MALSU1: variants seen among roughly 807,000 people sequenced by gnomAD.
The protein encoded by MALSU1 is mitochondrial assembly of ribosomal large subunit protein 1.
A neutral mutation model predicts 22.1 loss-of-function variants in MALSU1; 22 were observed. That is an observed-to-expected ratio of 1.00 (90% CI 0.71 to 1.42). The LOEUF (loss-of-function observed/expected upper bound fraction) is 1.42. Among genes scored for constraint, MALSU1 ranks in the 40% most tolerant of loss-of-function variants. MALSU1 has a pLI of 0.00. For missense variants in MALSU1, 379 were observed against 308.3 expected, an observed-to-expected ratio of 1.23 and a Z score of -1.72; for synonymous variants, 153 against 118.5, an observed-to-expected ratio of 1.29 and a Z score of -1.89.
chr7:23,302,523 C>T (rs566471211), intron 2 of MALSU1, among the ~76,000 whole-genome samples: 6 of 152,200 alleles, frequency 3.9e-5, no homozygotes, highest in South Asian at 2.1e-4. Context: ...AGGGAGAGAA[C>T]TAGGAAAGCA....
intron 1 of MALSU1, among the ~76,000 whole-genome samples, chr7:23,299,826 C>A (rs990972192): frequency 6.6e-6 from 1 of 152,134 alleles, no homozygotes; most frequent in Non-Finnish European, 1.5e-5. Context: ...AGAATCCCAG[C>A]CTCCCGGACG....
chr7:23,301,501 C>T (rs910822362), intron 2 of MALSU1, among the ~76,000 whole-genome samples: 3 of 152,126 alleles, frequency 2.0e-5, no homozygotes, highest in Non-Finnish European at 2.9e-5. Context: ...TCAGGGGATC[C>T]GCCTGCCTCA....
Position 23,300,970 on chromosome 7 carries a change from ACTTCTACCCGACACTTACATGCCATGGC to A in MALSU1, c.396_423del (p.Arg133LeufsTer2), listed in dbSNP as rs1783636388. 1 of 1,613,884 alleles carries A rather than the reference ACTTCTACCCGACACTTACATGCCATGGC, an allele frequency of 6.2e-7. No homozygotes were observed. The highest frequency in any genetic ancestry group is 8.5e-7 in the Non-Finnish European group (1 of 1,179,982). On this transcript the variant is annotated frameshift_variant, in exon 2 of 4. Transcript: ENST00000466681. LOFTEE classifies it high-confidence loss of function. ...AGATTACTTTGTGATTGTTAGTGGA[ACTTCTACCCGACACTTACATGCCATGGC>A]CTTCTACGTTGTGAAAATGGTAGGA...
Position 23,303,833 on chromosome 7 carries a change from G to A in MALSU1, c.435+2816G>A, listed in dbSNP as rs143220253. On this transcript the variant is annotated intron_variant, in intron 2 of 3. Coordinates refer to ENST00000466681, the MANE Select transcript of MALSU1 (RefSeq NM_138446.2). ...CAAAAGAAAAAAAAAAAAAAAAAAG[G>A]CTGGGTTCACACTTGTAATCCCAGC... Among the ~76,000 whole-genome samples, 761 of 146,118 alleles carry A rather than the reference G, an allele frequency of 5.2e-3. 12 individuals carry two copies. The highest frequency in any genetic ancestry group is 0.018 in the African/African-American group (723 of 39,756).
intron 2 of MALSU1, 82 bp from the exon 3 acceptor site, chr7:23,307,783 CAAA>C (rs370508754): frequency 3.6e-6 from 3 of 828,644 alleles, no homozygotes; most frequent in Admixed American, 4.7e-5. Flanking sequence ...AAAAAACAAA[CAAA>C]CAAACAAAAA....
intron 2 of MALSU1, among the ~76,000 whole-genome samples, chr7:23,301,868 C>G (rs1783653541): frequency 6.6e-6 from 1 of 151,538 alleles, no homozygotes; most frequent in South Asian, 2.1e-4. Context: ...ACTCGGGAGG[C>G]TGAGGCAGGA....
In MALSU1 at chr7:23,299,341, A is replaced by C; in HGVS notation, c.-12A>C. 1 of 1,548,164 alleles carries C rather than the reference A, an allele frequency of 6.5e-7. No homozygotes were observed. The highest frequency in any genetic ancestry group is 1.4e-5 in the African/African-American group (1 of 73,288). The stretch of plus-strand genomic sequence containing the variant: ...TACCACCCACCCGCGACGCCGACGC[A>C]AGGCTGCTGCTATGGGGCCGGGCGG... On this transcript the variant is annotated 5_prime_UTR_variant, in exon 1 of 4. Transcript: ENST00000466681.
At position 23,300,916 on chromosome 7, in the gene MALSU1, A is replaced by T; in HGVS notation, c.334A>T (p.Ile112Phe). 2 of 1,614,070 alleles carry T rather than the reference A, an allele frequency of 1.2e-6. No homozygotes were observed. Among genetic ancestry groups the T allele is most frequent in the Non-Finnish European group, 1.7e-6 (2 of 1,179,950 alleles). Residue 112 changes from isoleucine (I) to phenylalanine (F), a missense_variant, in exon 2 of 4, where the codon ATC becomes TTC. Physicochemically the swap from Ile to Phe is conservative, Grantham distance 21. Transcript: ENST00000466681. Reference sequence around the variant, plus strand: ...AGAAAATGCAAGAGACATTTGTGTGATCCAGGTTCCTCCAGAAATGAGATA... The same window carrying T: ...AGAAAATGCAAGAGACATTTGTGTGTTCCAGGTTCCTCCAGAAATGAGATA... ...RQENARDICV[I>F]QVPPEMRYTD... is the part of the protein sequence containing the mutation.
chr7:23,300,864 C>G lies in MALSU1; in HGVS notation c.282C>G (p.Ile94Met). 1 of 1,613,694 alleles carries G rather than the reference C, an allele frequency of 6.2e-7. No homozygotes were observed. Among genetic ancestry groups the G allele is most frequent in the South Asian group, 1.1e-5 (1 of 91,052 alleles). Residue 94 changes from isoleucine (I) to methionine (M), a missense_variant, in exon 2 of 4, where the codon ATC becomes ATG. Ile to Met is a conservative substitution (Grantham distance 10). Transcript: ENST00000466681. ...AADHTGPKFD[I>M]DMMVSLLRQE... ...ATCATACTGGTCCCAAGTTTGACATCGATATGATGGTTTCACTTCTGAGGC... is the reference window on the plus strand; with the variant it reads ...ATCATACTGGTCCCAAGTTTGACATGGATATGATGGTTTCACTTCTGAGGC...
chr7:23,307,858 C>T lies in MALSU1; in HGVS notation c.436-10C>T. ...CCTCTCCCTTTAATAAACCACCTGG[C>T]TTTTTGCAGTACAAACACCTGAAAT... On this transcript the variant is annotated splice_polypyrimidine_tract_variant and intron_variant, in intron 2 of 3. Transcript: ENST00000466681. 6.2e-7 allele frequency: 1 copy of T among 1,607,484 alleles called. No individual in the cohort carries two copies. Among genetic ancestry groups the T allele is most frequent in the Non-Finnish European group, 8.5e-7 (1 of 1,174,894 alleles).
Position 23,309,515 on chromosome 7 carries a change from T to C in MALSU1, c.677T>C (p.Val226Ala). 1 of 1,608,734 alleles carries C rather than the reference T, an allele frequency of 6.2e-7. No individual in the cohort carries two copies. The highest frequency in any genetic ancestry group is 1.3e-5 in the African/African-American group (1 of 74,762). ...GGAATAGAAGATGATACTTCATCTG[T>C]GACTCCAGTGGAGTTAAAATGTGAA... Reference protein sequence around the residue: ...ILGIEDDTSSVTPVELKCE With the variant: ...ILGIEDDTSSATPVELKCE Residue 226 changes from valine (V) to alanine (A), a missense_variant, in exon 4 of 4, where the codon GTG (valine) becomes GCG (alanine). Transcript: ENST00000466681.
At position 23,309,641 on chromosome 7, in the gene MALSU1, T is replaced by A; in HGVS notation, c.*98T>A. 2.0e-6 allele frequency: 2 copies of A among 983,938 alleles called. No homozygotes were observed. Among genetic ancestry groups the A allele is most frequent in the Non-Finnish European group, 2.9e-6 (2 of 686,404 alleles). The allele number at this position is 983,938 out of a possible 1,614,324, so 61.0% of individuals were successfully genotyped here. On this transcript the variant is annotated 3_prime_UTR_variant, in exon 4 of 4. Coordinates refer to ENST00000466681, the MANE Select transcript of MALSU1 (RefSeq NM_138446.2). ...TCCGTCTCCTTGGTTAGGCTGCTCT[T>A]AGGACAAGGCTTGTGTACCTCATGG...
At chr7:23,304,809 G>T (rs1783703292) in intron 2 of MALSU1, among the ~76,000 whole-genome samples, 1 of 152,156 alleles carries the variant, frequency 6.6e-6, no homozygotes, top group African/African-American at 2.4e-5. Context: ...AGTTGTAGGA[G>T]CTCTCTATAT....
intron 2 of MALSU1, among the ~76,000 whole-genome samples, chr7:23,303,813 GAAAAAAAA>G (rs57849044): frequency 1.8e-5 from 2 of 110,782 alleles, no homozygotes; most frequent in Non-Finnish European, 3.7e-5. Context: ...TGTCTCAAAA[GAAAAAAAA>G]AAAAAAAAAA....
At chr7:23,306,588 A>C (rs1341349925) in intron 2 of MALSU1, among the ~76,000 whole-genome samples, 2 of 152,060 alleles carry the variant, frequency 1.3e-5, no homozygotes, top group African/African-American at 4.8e-5. Context: ...CATGGCCCTT[A>C]TTATGTTGAG....
At chr7:23,306,093 C>T (rs28867186) in intron 2 of MALSU1, among the ~76,000 whole-genome samples, 1 of 152,116 alleles carries the variant, frequency 6.6e-6, no homozygotes, top group Non-Finnish European at 1.5e-5. Context: ...ACTTGGGAGG[C>T]TGAGGCAGGA....
chr7:23,308,702 A>C (rs1335066923), intron 3 of MALSU1, among the ~76,000 whole-genome samples: 23 of 152,222 alleles, frequency 1.5e-4, no homozygotes, highest in Admixed American at 1.4e-3. Flanking sequence ...ACTGGAACTC[A>C]GATGAGGGTG....
At chr7:23,307,791 CAAAAAA>C (rs535472095) in intron 2 of MALSU1, 71 bp from the exon 3 acceptor site, 1 of 763,292 alleles carries the variant, frequency 1.3e-6, no homozygotes, top group Non-Finnish European at 2.1e-6. Flanking sequence ...AACAAACAAA[CAAAAAA>C]AAAAGACCTT....
chr7:23,308,234 T>C (rs906245859), intron 3 of MALSU1, among the ~76,000 whole-genome samples: 1 of 152,112 alleles, frequency 6.6e-6, no homozygotes, highest in African/African-American at 2.4e-5. Context: ...AGGAAGGTGG[T>C]GGACAACAGG....
Sources: allele counts gnomAD v4.1 joint callset (sites outside exome capture counted in the v4.1 genomes callset), GRCh38; gene constraint gnomAD v4.1.1; transcripts MANE v1.5; gene names NCBI Gene and HGNC (gene_info 2026-07-23, HGNC 2026-07-21).